Variants in NPAS3 observed in about 807,000 individuals in gnomAD.
NPAS3 encodes neuronal PAS domain-containing protein 3.
A neutral mutation model predicts 73.1 loss-of-function variants in NPAS3; 14 were observed. The observed-to-expected ratio is 0.19, with a 90% CI of 0.13 to 0.30. The LOEUF (loss-of-function observed/expected upper bound fraction) is 0.30, where lower values mean the gene tolerates loss of function less well. Ranked by LOEUF, NPAS3 falls within the 10% of genes least tolerant of loss-of-function variation. The pLI is 1.00. For synonymous variants in NPAS3, 620 were observed against 541.5 expected, an observed-to-expected ratio of 1.14 and a Z score of -2.01; for missense variants, 1,096 against 1,250.0, an observed-to-expected ratio of 0.88 and a Z score of 1.86.
At chr14:33,322,518 ATG>A (rs937635402) in intron 3 of NPAS3, among the ~76,000 whole-genome samples, 8 of 150,724 alleles carry the variant, frequency 5.3e-5, no homozygotes, top group South Asian at 2.1e-4. Context: ...GTGTGTGTGT[ATG>A]TGTGTGTGTG....
chr14:33,060,942 A>G (rs2041074464), intron 2 of NPAS3, among the ~76,000 whole-genome samples: 2 of 152,224 alleles, frequency 1.3e-5, no homozygotes, highest in African/African-American at 2.4e-5. Context: ...TCTACTCAGT[A>G]TATAGTGTTA....
chr14:32,938,527 G>T (rs547970701), upstream of NPAS3, among the ~76,000 whole-genome samples: 42 of 71,266 alleles, frequency 5.9e-4, no homozygotes, highest in East Asian at 8.1e-3. Context: ...GAGAGAGAAG[G>T]GGGGGGAGGT....
intron 5 of NPAS3, among the ~76,000 whole-genome samples, chr14:33,615,877 C>T (rs1013850718): frequency 6.6e-6 from 1 of 152,156 alleles, no homozygotes; most frequent in East Asian, 1.9e-4. Context: ...AAGAAAAATA[C>T]CCGAGGCAAA....
At chr14:33,650,736 C>A (rs569955508) in intron 5 of NPAS3, among the ~76,000 whole-genome samples, 41 of 142,412 alleles carry the variant, frequency 2.9e-4, no homozygotes, top group Non-Finnish European at 5.8e-4. Flanking sequence ...TGGAGAAAAT[C>A]TTTTCCTCTC....
intron 3 of NPAS3, among the ~76,000 whole-genome samples, chr14:33,219,388 A>G (rs906606426): frequency 6.6e-6 from 1 of 152,222 alleles, no homozygotes. Flanking sequence ...CATTGCAGTC[A>G]TAAGTTTTAT....
chr14:33,026,430 C>T (rs1481439542), intron 1 of NPAS3, among the ~76,000 whole-genome samples: 1 of 152,182 alleles, frequency 6.6e-6, no homozygotes, highest in Non-Finnish European at 1.5e-5. Flanking sequence ...AGTTTCTGGT[C>T]CAGTAGCTAT....
At chr14:33,070,857 A>G (rs1595376818) in intron 2 of NPAS3, among the ~76,000 whole-genome samples, 2 of 152,236 alleles carry the variant, frequency 1.3e-5, no homozygotes, top group South Asian at 2.1e-4. Flanking sequence ...CGACATAGGT[A>G]TAAATATGTT....
At chr14:33,550,813 G>A (rs1298642363) in intron 4 of NPAS3, among the ~76,000 whole-genome samples, 1 of 152,172 alleles carries the variant, frequency 6.6e-6, no homozygotes, top group Non-Finnish European at 1.5e-5. Context: ...AAGCAACATA[G>A]CCTCTAAGCG....
At chr14:33,301,863 A>C (rs530705579) in intron 3 of NPAS3, among the ~76,000 whole-genome samples, 121 of 152,294 alleles carry the variant, frequency 7.9e-4, no homozygotes, top group African/African-American at 2.7e-3. Context: ...CCCATGGTGT[A>C]ATGATAGGTA....
At chr14:33,203,496 G>A (rs557924388) in intron 2 of NPAS3, among the ~76,000 whole-genome samples, 3 of 151,934 alleles carry the variant, frequency 2.0e-5, no homozygotes, top group Admixed American at 6.6e-5. Flanking sequence ...AACAGGCCCC[G>A]GTGTGTGATG....
chr14:33,026,699 C>G (rs924904244), intron 1 of NPAS3, among the ~76,000 whole-genome samples: 6 of 152,172 alleles, frequency 3.9e-5, no homozygotes, highest in African/African-American at 1.4e-4. Context: ...AATTCATTCA[C>G]TCCTACTGTA....
At chr14:33,645,690 G>A (rs896868708) in intron 5 of NPAS3, among the ~76,000 whole-genome samples, 5 of 152,306 alleles carry the variant, frequency 3.3e-5, no homozygotes, top group East Asian at 3.9e-4. Flanking sequence ...CCACTTGACC[G>A]AGTAATTCAA....
At chr14:33,758,049 T>A (rs2062169041) in intron 7 of NPAS3, among the ~76,000 whole-genome samples, 1 of 152,230 alleles carries the variant, frequency 6.6e-6, no homozygotes, top group Admixed American at 6.5e-5. Flanking sequence ...GTCACACTCC[T>A]AAATCTCAGG....
chr14:33,679,533 G>A (rs746940434), intron 6 of NPAS3, among the ~76,000 whole-genome samples: 2 of 152,110 alleles, frequency 1.3e-5, no homozygotes, highest in Non-Finnish European at 2.9e-5. Flanking sequence ...ATAATCTCTT[G>A]AACTCTGATA....
intron 1 of NPAS3, among the ~76,000 whole-genome samples, chr14:33,044,108 C>T (rs879727361): frequency 5.9e-5 from 9 of 152,188 alleles, no homozygotes; most frequent in Admixed American, 3.3e-4. Context: ...AAAGCTATTA[C>T]TTTTTTGTCA....
intron 1 of NPAS3, among the ~76,000 whole-genome samples, chr14:33,035,562 C>G (rs2040138433): frequency 6.6e-6 from 1 of 152,152 alleles, no homozygotes; most frequent in Non-Finnish European, 1.5e-5. Flanking sequence ...TATTTCAGAA[C>G]TAGTTTTAAT....
chr14:33,448,497 A>C (rs1396957335), intron 4 of NPAS3, among the ~76,000 whole-genome samples: 1 of 152,186 alleles, frequency 6.6e-6, no homozygotes, highest in African/African-American at 2.4e-5. Context: ...CTAGGTGTTG[A>C]TAGCATACAT....
intron 3 of NPAS3, among the ~76,000 whole-genome samples, chr14:33,283,471 G>A (rs1373228023): frequency 6.6e-6 from 1 of 152,168 alleles, no homozygotes; most frequent in South Asian, 2.1e-4. Context: ...ATCAATTTAT[G>A]TTTCTAGAAT....
intron 6 of NPAS3, chr14:33,680,553 C>CTTTTTCATTTTCATGTTTCTCTAAG: frequency 1.4e-6 from 1 of 700,990 alleles, no homozygotes; most frequent in Non-Finnish European, 2.6e-6. Context: ...TGGTAACTAG[C>CTTTTTCATTTTCATGTTTCTCTAAG]TTTTTCATTT....
Sources: gnomAD v4.1 joint callset for allele counts (sites outside exome capture counted in the v4.1 genomes callset) on GRCh38, gnomAD v4.1.1 for gene constraint, MANE v1.5 for transcripts, NCBI Gene and HGNC (gene_info 2026-07-23, HGNC 2026-07-21) for gene names.